Variants in TMEM37 observed in about 807,000 individuals in gnomAD.
The protein encoded by TMEM37 is transmembrane protein 37, also known as voltage-dependent calcium channel gamma-like subunit.
TMEM37 carries 12 observed loss-of-function variants against 11.0 expected under a neutral mutation model. The ratio of observed to expected loss-of-function variants is 1.09; its 90% CI spans 0.70 to 1.76. TMEM37 has a LOEUF of 1.76. Ranked by LOEUF, TMEM37 falls within the 40% of genes most tolerant of loss-of-function variation. The pLI is 0.00. For synonymous variants in TMEM37, 127 were observed against 110.5 expected, an observed-to-expected ratio of 1.15 and a Z score of -0.94; for missense variants, 203 against 251.2, an observed-to-expected ratio of 0.81 and a Z score of 1.30.
chr2:119,433,065 C>T (rs1232825620), intron 1 of TMEM37, among the ~76,000 whole-genome samples: 1 of 152,184 alleles, frequency 6.6e-6, no homozygotes, highest in Non-Finnish European at 1.5e-5. Context: ...AGGTGCGGTC[C>T]CTCCCCTCTA....
intron 1 of TMEM37, 163 bp downstream of exon 1, chr2:119,432,087 G>A (rs1682411980): frequency 9.0e-6 from 4 of 441,992 alleles, no homozygotes; most frequent in South Asian, 1.2e-4. Flanking sequence ...TGGGTCCGGA[G>A]GAGGCTGGGC....
At chr2:119,431,992 A>C in intron 1 of TMEM37, 68 bp downstream of exon 1, 43 of 907,606 alleles carry the variant, frequency 4.7e-5, no homozygotes, top group Non-Finnish European at 5.5e-5. Flanking sequence ...GGGTGGGAGG[A>C]CGGAGGGAGG....
chr2:119,430,225 C>T (rs1200930734), upstream of TMEM37: 10 of 649,430 alleles, frequency 1.5e-5, no homozygotes, highest in Non-Finnish European at 2.6e-5. Flanking sequence ...GGGCAGCTGC[C>T]CTTTGCCTTA....
At chr2:119,433,826 G>A (rs1317783992) in intron 1 of TMEM37, among the ~76,000 whole-genome samples, 2 of 152,134 alleles carry the variant, frequency 1.3e-5, no homozygotes, top group African/African-American at 4.8e-5. Flanking sequence ...TCCAGTAGCC[G>A]TTTCAGGCCC....
chr2:119,430,590 C>T (rs1158993630), upstream of TMEM37, among the ~76,000 whole-genome samples: 2 of 152,208 alleles, frequency 1.3e-5, no homozygotes, highest in African/African-American at 4.8e-5. Flanking sequence ...TGTAACTACC[C>T]CTCTTTCTCA....
upstream of TMEM37, among the ~76,000 whole-genome samples, chr2:119,431,221 G>T (rs1682387534): frequency 6.6e-6 from 1 of 152,118 alleles, no homozygotes; most frequent in African/African-American, 2.4e-5. Flanking sequence ...TGGCATATTT[G>T]CATTTTTAAT....
At chr2:119,431,563 C>G (rs1360736703), upstream of TMEM37, among the ~76,000 whole-genome samples, 1 of 152,252 alleles carries the variant, frequency 6.6e-6, no homozygotes, top group Non-Finnish European at 1.5e-5. Context: ...GAATCTGCGC[C>G]CCAGGCGAAG....
chr2:119,436,830 G>T, intron 1 of TMEM37, 59 bp from the exon 2 acceptor site: 1 of 1,410,270 alleles, frequency 7.1e-7, no homozygotes, highest in South Asian at 1.3e-5. Context: ...TCCCTGCAGA[G>T]GTTCCTGGGG....
In TMEM37 at chr2:119,436,962, C is replaced by G; in HGVS notation, c.95C>G (p.Thr32Arg). ...TCCTTCATCCGGACCCTCATCATCACGTGTGTGGCCCTGGCTGTGGTCCTG... is the reference window on the plus strand; with the variant it reads ...TCCTTCATCCGGACCCTCATCATCAGGTGTGTGGCCCTGGCTGTGGTCCTG... The part of the protein sequence containing the change: ...FESFIRTLII[T>R]CVALAVVLSS... Residue 32 changes from threonine to arginine, a missense_variant, in exon 2 of 2, where the codon ACG (threonine) becomes AGG (arginine). Transcript: ENST00000306406. 6.2e-7 allele frequency: 1 copy of G among 1,614,250 alleles called. No homozygotes were observed. Among genetic ancestry groups the G allele is most frequent in the Non-Finnish European group, 8.5e-7 (1 of 1,180,054 alleles).
chr2:119,432,170 C>T (rs1185907612), intron 1 of TMEM37: 3 of 368,110 alleles, frequency 8.1e-6, no homozygotes, highest in Non-Finnish European at 1.5e-5. Flanking sequence ...TGCTTCTGCT[C>T]GCGGCCTTGC....
intron 1 of TMEM37, among the ~76,000 whole-genome samples, chr2:119,432,820 G>A (rs1682430609): frequency 6.6e-6 from 1 of 152,160 alleles, no homozygotes; most frequent in African/African-American, 2.4e-5. Context: ...GCCCTCCGTG[G>A]CTGGCCAAGG....
At position 119,437,081 on chromosome 2, in the gene TMEM37, T is replaced by C. The variant is rs142340800; in HGVS notation, c.214T>C (p.Cys72Arg). The change falls in exon 2 of 2, where the codon TGC (cysteine) becomes CGC (arginine). Residue 72 changes from cysteine to arginine, a missense_variant. Physicochemically the swap from Cys to Arg is radical, Grantham distance 180 (BLOSUM62 -3). Transcript: ENST00000306406. ...CTGCACCACCACCAACCAGACGATCTGCTTCAGAGACCTGGGCCAGGCCCA... is the reference window on the plus strand; with the variant it reads ...CTGCACCACCACCAACCAGACGATCCGCTTCAGAGACCTGGGCCAGGCCCA... ...HFCTTTNQTI[C>R]FRDLGQAHVP... 3 of 990,390 alleles carry C rather than the reference T, an allele frequency of 3.0e-6. No homozygotes were observed. Among genetic ancestry groups the C allele is most frequent in the Non-Finnish European group, 4.4e-6 (3 of 684,666 alleles). 61.4% of individuals were successfully genotyped at this position (990,390 alleles called of 1,614,324 possible).
upstream of TMEM37, chr2:119,429,975 C>A (rs1468030394): frequency 2.6e-6 from 4 of 1,550,404 alleles, no homozygotes; most frequent in Non-Finnish European, 3.5e-6. Flanking sequence ...GCACTTCCCT[C>A]TTGGCCAGGT....
intron 1 of TMEM37, among the ~76,000 whole-genome samples, chr2:119,435,933 A>T (rs932802154): frequency 1.3e-5 from 2 of 152,222 alleles, no homozygotes; most frequent in Admixed American, 6.5e-5. Flanking sequence ...AGGGCCAGTC[A>T]TCTGAGGAAA....
chr2:119,434,489 A>C (rs1449358800), intron 1 of TMEM37, among the ~76,000 whole-genome samples: 1 of 151,164 alleles, frequency 6.6e-6, no homozygotes, highest in Non-Finnish European at 1.5e-5. Context: ...AATGCAATAC[A>C]GACTCCTGGA....
chr2:119,430,847 T>C (rs150717877), upstream of TMEM37, among the ~76,000 whole-genome samples: 1,400 of 152,196 alleles, frequency 9.2e-3, 21 homozygotes, highest in African/African-American at 0.033. Context: ...CTTTAAGAAC[T>C]CAGATCCGGC....
Position 119,437,255 on chromosome 2 carries a change from C to A in TMEM37, c.388C>A (p.Leu130Ile), listed in dbSNP as rs1264542186. The A allele has an allele frequency of 2.5e-6, 4 of 1,614,238 alleles. No individual in the cohort carries two copies. The highest frequency in any genetic ancestry group is 1.6e-4 in the Middle Eastern group (1 of 6,062). Residue 130 changes from leucine to isoleucine, a missense_variant, in exon 2 of 2, where the codon CTC (leucine) becomes ATC (isoleucine). Coordinates refer to ENST00000306406, the MANE Select transcript of TMEM37 (RefSeq NM_183240.3). ...SQCKWVMGSI[L>I]LLVSFVLSSG... ...GTGCAAGTGGGTCATGGGTTCCATCCTCCTCCTGGTGTCTTTCGTCCTCTC... is the reference window on the plus strand; with the variant it reads ...GTGCAAGTGGGTCATGGGTTCCATCATCCTCCTGGTGTCTTTCGTCCTCTC...
upstream of TMEM37, chr2:119,430,142 G>A (rs1260600852): frequency 7.4e-6 from 5 of 677,158 alleles, no homozygotes; most frequent in Non-Finnish European, 1.3e-5. Context: ...TGGGACCCTT[G>A]ACTGGGGAGA....
At chr2:119,432,132 T>G in intron 1 of TMEM37, 1 of 375,320 alleles carries the variant, frequency 2.7e-6, no homozygotes, top group South Asian at 1.4e-4. Flanking sequence ...CTGCCTCACA[T>G]AGCTGCTCCC....
Sources: allele counts gnomAD v4.1 joint callset (sites outside exome capture counted in the v4.1 genomes callset), GRCh38; gene constraint gnomAD v4.1.1; transcripts MANE v1.5; gene names NCBI Gene and HGNC (gene_info 2026-07-23, HGNC 2026-07-21).